MCU: variants seen among roughly 807,000 people sequenced by gnomAD.
MCU encodes the protein mitochondrial calcium uniporter, also known as calcium uniporter protein, mitochondrial.
MCU carries 12 observed loss-of-function variants against 45.2 expected under a neutral mutation model. That is an observed-to-expected ratio of 0.27 (90% confidence interval 0.17 to 0.43). The LOEUF (loss-of-function observed/expected upper bound fraction) is 0.43, where lower values mean the gene tolerates loss of function less well. Ranked by LOEUF, MCU falls within the 20% of genes least tolerant of loss-of-function variation. The pLI is 1.00. For synonymous variants in MCU, 160 were observed against 165.1 expected (o/e 0.97, Z 0.24); for missense variants, 324 against 436.7 (o/e 0.74, Z 2.30).
intron 1 of MCU, among the ~76,000 whole-genome samples, chr10:72,700,437 T>C (rs1032491243): frequency 6.6e-6 from 1 of 152,218 alleles, no homozygotes. Context: ...TGATAATAAC[T>C]GTTAAAAAAC....
intron 1 of MCU, among the ~76,000 whole-genome samples, chr10:72,783,149 G>A (rs1844020742): frequency 6.6e-6 from 1 of 152,212 alleles, no homozygotes; most frequent in Admixed American, 6.5e-5. Context: ...ACCGCATTGT[G>A]TGTGCTCCAC....
rs74964577 is a variant in MCU at position 72,816,224 on chromosome 10, G to A, written c.151-18135G>A. ...TCTTTTAGGAACTGGTATGCCATAT[G>A]ATTCAACACTCATTAACAAGTCTAG... is the stretch of plus-strand genomic sequence containing the variant. On this transcript the variant is annotated intron_variant, in intron 1 of 7. Transcript: ENST00000373053. 9.1e-4 allele frequency among the ~76,000 whole-genome samples: 138 copies of A among 152,188 alleles called. 2 individuals carry two copies. In the East Asian group the frequency reaches 0.025, roughly 27 times the overall value.
At chr10:72,816,452 G>A (rs1218837867) in intron 1 of MCU, among the ~76,000 whole-genome samples, 1 of 152,128 alleles carries the variant, frequency 6.6e-6, no homozygotes, top group Non-Finnish European at 1.5e-5. Context: ...CAGCCAATTG[G>A]TGTGTGCTTT....
At chr10:72,861,210 G>C (rs1845370443) in intron 4 of MCU, among the ~76,000 whole-genome samples, 1 of 151,842 alleles carries the variant, frequency 6.6e-6, no homozygotes, top group South Asian at 2.1e-4. Context: ...TCTTTTTGTA[G>C]AGATGAAGTC....
chr10:72,867,280 A>G (rs1589504553), intron 4 of MCU, among the ~76,000 whole-genome samples: 1 of 152,216 alleles, frequency 6.6e-6, no homozygotes, highest in African/African-American at 2.4e-5. Flanking sequence ...TAAAGTTAAT[A>G]AGAATCTAAA....
chr10:72,732,535 C>G (rs529512388), intron 1 of MCU, among the ~76,000 whole-genome samples: 2 of 152,250 alleles, frequency 1.3e-5, no homozygotes, highest in South Asian at 4.2e-4. Flanking sequence ...TAATATAGAT[C>G]AAACATGATA....
chr10:72,884,627 C>T (rs1403300643), intron 7 of MCU, among the ~76,000 whole-genome samples: 1 of 150,172 alleles, frequency 6.7e-6, no homozygotes, highest in Non-Finnish European at 1.5e-5. Flanking sequence ...AGCACATTGA[C>T]ATTTTTAGGC....
At chr10:72,885,012 G>A (rs1845757375) in intron 7 of MCU, among the ~76,000 whole-genome samples, 1 of 152,082 alleles carries the variant, frequency 6.6e-6, no homozygotes, top group Admixed American at 6.6e-5. Context: ...ATCTCTAGAA[G>A]CTTTTCCATC....
intron 1 of MCU, among the ~76,000 whole-genome samples, chr10:72,831,030 AGAAAT>A (rs934443816): frequency 1.8e-4 from 28 of 152,326 alleles, no homozygotes; most frequent in Non-Finnish European, 4.0e-4. Context: ...CAGCCAACCA[AGAAAT>A]GAAAGGAGAA....
intron 1 of MCU, among the ~76,000 whole-genome samples, chr10:72,734,754 A>C (rs994064534): frequency 2.6e-5 from 4 of 151,876 alleles, no homozygotes; most frequent in Non-Finnish European, 4.4e-5. Context: ...GCTAGGACCA[A>C]AGGCGTGTGA....
intron 1 of MCU, among the ~76,000 whole-genome samples, chr10:72,805,823 C>T (rs1012146192): frequency 2.2e-4 from 33 of 152,198 alleles, no homozygotes; most frequent in African/African-American, 7.7e-4. Flanking sequence ...GATCATCTCA[C>T]GATTAAATAT....
At chr10:72,713,047 T>A (rs1564535815) in intron 1 of MCU, among the ~76,000 whole-genome samples, 1 of 152,166 alleles carries the variant, frequency 6.6e-6, no homozygotes, top group Non-Finnish European at 1.5e-5. Context: ...AAGATATAAG[T>A]CTGGCCAGAT....
chr10:72,719,798 T>C (rs1271683753), intron 1 of MCU, among the ~76,000 whole-genome samples: 1 of 152,228 alleles, frequency 6.6e-6, no homozygotes, highest in Non-Finnish European at 1.5e-5. Context: ...TAAATTATTA[T>C]TGGCTATAGT....
chr10:72,769,998 AT>A (rs1843781860), intron 1 of MCU, among the ~76,000 whole-genome samples: 1 of 151,952 alleles, frequency 6.6e-6, no homozygotes, highest in South Asian at 2.1e-4. Context: ...TTGTGTCTTC[AT>A]TTTCATTCAT....
chr10:72,875,375 G>C (rs1382636058), intron 6 of MCU, among the ~76,000 whole-genome samples: 2 of 152,170 alleles, frequency 1.3e-5, no homozygotes, highest in African/African-American at 4.8e-5. Context: ...TCGTCATGCT[G>C]TAGAATCTTT....
At chr10:72,709,270 G>T (rs1011554059) in intron 1 of MCU, among the ~76,000 whole-genome samples, 1 of 152,154 alleles carries the variant, frequency 6.6e-6, no homozygotes, top group East Asian at 1.9e-4. Flanking sequence ...GATAGCTGCC[G>T]TGAAGCAGGG....
intron 1 of MCU, among the ~76,000 whole-genome samples, chr10:72,805,757 A>AT (rs1237121252): frequency 6.6e-6 from 1 of 152,156 alleles, no homozygotes. Flanking sequence ...AGAGTCTGTT[A>AT]TGTACAGGCA....
At chr10:72,720,435 C>G (rs1402194202) in intron 1 of MCU, among the ~76,000 whole-genome samples, 1 of 152,186 alleles carries the variant, frequency 6.6e-6, no homozygotes, top group African/African-American at 2.4e-5. Context: ...ATAGATTACT[C>G]CTTAATCACC....
intron 1 of MCU, among the ~76,000 whole-genome samples, chr10:72,750,601 T>C (rs1428391033): frequency 1.3e-5 from 2 of 152,228 alleles, no homozygotes; most frequent in Non-Finnish European, 2.9e-5. Context: ...GACACAGATA[T>C]GCATCATTTG....
Sources: gnomAD v4.1 joint callset for allele counts (sites outside exome capture counted in the v4.1 genomes callset) on GRCh38, gnomAD v4.1.1 for gene constraint, MANE v1.5 for transcripts, NCBI Gene and HGNC (gene_info 2026-07-23, HGNC 2026-07-21) for gene names.